Variants in ZNF251 observed in about 807,000 individuals in gnomAD.
ZNF251 encodes zinc finger protein 251.
ZNF251 carries 14 observed loss-of-function variants against 13.5 expected under a neutral mutation model. The ratio of observed to expected loss-of-function variants is 1.04; its 90% CI spans 0.69 to 1.63. ZNF251 has a LOEUF of 1.63. ZNF251 is among the 40% of genes most tolerant of loss of function. ZNF251 has a pLI of 0.00. For synonymous variants in ZNF251, 287 were observed against 295.2 expected (o/e 0.97, Z 0.28); for missense variants, 764 against 834.9 (o/e 0.92, Z 1.05).
At chr8:144,744,490 T>C (rs536128167) in intron 4 of ZNF251, among the ~76,000 whole-genome samples, 3 of 152,314 alleles carry the variant, frequency 2.0e-5, no homozygotes, top group South Asian at 4.1e-4. Context: ...ATGAAATGTG[T>C]CCTGCTCACC....
chr8:144,752,135 C>CAAAAAAAAAAAA, intron 4 of ZNF251, among the ~76,000 whole-genome samples: 1 of 86,194 alleles, frequency 1.2e-5, no homozygotes. Context: ...ATAACTAGAC[C>CAAAAAAAAAAAA]AAAAAAAAAA....
intron 4 of ZNF251, among the ~76,000 whole-genome samples, chr8:144,741,180 G>GA (rs1824148339): frequency 6.6e-6 from 1 of 152,170 alleles, no homozygotes. Flanking sequence ...CCCAACCCAG[G>GA]AAAGAACATC....
chr8:144,723,766 C>A (rs951792744), intron 4 of ZNF251, among the ~76,000 whole-genome samples: 1 of 152,180 alleles, frequency 6.6e-6, no homozygotes, highest in Non-Finnish European at 1.5e-5. Context: ...AATAATGATA[C>A]ACCATGTGAC....
At position 144,755,475 on chromosome 8, in the gene ZNF251, G is replaced by A; in HGVS notation, c.-146C>T. 1.6e-6 allele frequency: 2 copies of A among 1,287,452 alleles called. 1 individual carries two copies. The highest frequency in any genetic ancestry group is 2.0e-6 in the Non-Finnish European group (2 of 988,702). The allele number at this position is 1,287,452 out of a possible 1,614,324, so 79.8% of individuals were successfully genotyped here. On this transcript the variant is annotated 5_prime_UTR_variant, in exon 1 of 5. Transcript: ENST00000292562. The stretch of plus-strand genomic sequence containing the variant: ...TGCGCAGTCGCACCGAGCCCGGAAC[G>A]GACCCTCCCACAGAACCGGGTCCAG...
intron 4 of ZNF251, among the ~76,000 whole-genome samples, chr8:144,747,659 T>C (rs1824491791): frequency 5.2e-5 from 1 of 19,346 alleles, no homozygotes; most frequent in African/African-American, 3.1e-4. Context: ...TTGCCCAGGC[T>C]GGAGTGCGAT....
In ZNF251 at chr8:144,729,948, T is replaced by C. The variant is rs143768258; in HGVS notation, c.278-6566A>G. On this transcript the variant is annotated intron_variant, in intron 4 of 4. Transcript: ENST00000292562. The stretch of plus-strand genomic sequence containing the variant: ...TGACTACTCAGATAAAGATGTTCAA[T>C]TGTAACAGTTTCTCAACATTGCAGG... 1.3e-3 allele frequency: 851 copies of C among 639,930 alleles called. 6 individuals carry two copies. The African/African-American group carries it at 0.015, about 11-fold the overall frequency. The allele number at this position is 639,930 out of a possible 1,614,324, so 39.6% of individuals were successfully genotyped here. A position where few individuals can be genotyped will look rare whatever the true frequency, so the allele number is the denominator to read the frequency against.
At chr8:144,745,133 T>C (rs980574286) in intron 4 of ZNF251, among the ~76,000 whole-genome samples, 1 of 150,864 alleles carries the variant, frequency 6.6e-6, no homozygotes, top group African/African-American at 2.4e-5. Context: ...TGGTTTTAAG[T>C]CTGAGCAGAA....
rs1563758169 is a variant in ZNF251 at position 144,731,947 on chromosome 8, C to CTTTTTTTTT, written c.278-8566_278-8565insAAAAAAAAA. Among the ~76,000 whole-genome samples the CTTTTTTTTT allele has an allele frequency of 8.0e-5, 11 of 136,696 alleles. 2 individuals are homozygous for CTTTTTTTTT. Among genetic ancestry groups the CTTTTTTTTT allele is most frequent in the African/African-American group, 3.3e-4 (11 of 32,840 alleles). 89.7% of individuals were successfully genotyped at this position (136,696 alleles called of 152,430 possible). On this transcript the variant is annotated intron_variant, in intron 4 of 4. Coordinates refer to ENST00000292562, the MANE Select transcript of ZNF251 (RefSeq NM_138367.2). ...AATAAAGGACATGTCCTGACAGCTG[C>CTTTTTTTTT]ATTTTTTTTTTTTAAGACAGAGTCT...
At chr8:144,744,239 T>C (rs1425781860) in intron 4 of ZNF251, among the ~76,000 whole-genome samples, 2 of 152,128 alleles carry the variant, frequency 1.3e-5, no homozygotes, top group Non-Finnish European at 2.9e-5. Flanking sequence ...CTCGAACTCC[T>C]GACCTCGGGT....
intron 4 of ZNF251, among the ~76,000 whole-genome samples, chr8:144,745,610 G>T (rs113164047): frequency 0.046 from 7,037 of 152,100 alleles, 306 homozygotes; most frequent in African/African-American, 0.1. Context: ...ACAGTGGCAT[G>T]ATCATAACTT....
At position 144,722,507 on chromosome 8, in the gene ZNF251, C is replaced by T. The variant is rs766153631; in HGVS notation, c.1153G>A (p.Ala385Thr). 3 of 1,613,798 alleles carry T rather than the reference C, an allele frequency of 1.9e-6. No individual in the cohort carries two copies. The East Asian group carries it at 6.7e-5, about 36-fold the overall frequency. The change falls in exon 5 of 5, where the codon GCC becomes ACC. Residue 385 changes from alanine (A) to threonine (T), a missense_variant. Physicochemically the swap from Ala to Thr is moderately conservative, Grantham distance 58. Transcript: ENST00000292562. This position sits in a 1 kb window ranked among gnomAD's most constrained non-coding sequence, Gnocchi z 4.8. ...KPHKCNQCGKAFSQSSSLFLH... is the reference protein window; with the variant it reads ...KPHKCNQCGKTFSQSSSLFLH... ...AAAAGGCTTGAGCTCTGACTGAAGG[C>T]CTTCCCACACTGATTGCATTTATGG...
chr8:144,732,906 A>G (rs1823763497), intron 4 of ZNF251, among the ~76,000 whole-genome samples: 1 of 151,952 alleles, frequency 6.6e-6, no homozygotes, highest in South Asian at 2.1e-4. Flanking sequence ...AGCAGCAGTA[A>G]TAATTTGCTT....
Position 144,721,826 on chromosome 8 carries a change from G to A in ZNF251, c.1834C>T (p.His612Tyr), listed in dbSNP as rs775295488. ...AFSGKSTLIQ[H>Y]QVTHTGQKPC... is the part of the protein sequence containing the mutation. ...TTCTGACCAGTGTGAGTTACCTGATGTTGAATAAGGGTTGACTTTCCACTG... is the reference window on the plus strand; with the variant it reads ...TTCTGACCAGTGTGAGTTACCTGATATTGAATAAGGGTTGACTTTCCACTG... The change falls in exon 5 of 5, where the codon CAT (histidine) becomes TAT (tyrosine). Residue 612 changes from histidine (H) to tyrosine (Y), a missense_variant. Physicochemically the swap from His to Tyr is moderately conservative, Grantham distance 83. Transcript: ENST00000292562. 1 of 1,496,808 alleles carries A rather than the reference G, an allele frequency of 6.7e-7. No individual in the cohort carries two copies. Among genetic ancestry groups the A allele is most frequent in the Non-Finnish European group, 8.9e-7 (1 of 1,123,252 alleles). The allele number at this position is 1,496,808 out of a possible 1,614,324, so 92.7% of individuals were successfully genotyped here. A position where few individuals can be genotyped will look rare whatever the true frequency, so the allele number is the denominator to read the frequency against.
intron 4 of ZNF251, among the ~76,000 whole-genome samples, chr8:144,744,175 C>A (rs754831224): frequency 6.6e-5 from 10 of 152,010 alleles, no homozygotes; most frequent in Non-Finnish European, 1.0e-4. Context: ...ACACACCCAG[C>A]TGGTTTTTGT....
intron 4 of ZNF251, among the ~76,000 whole-genome samples, chr8:144,739,879 A>G (rs1824078250): frequency 6.6e-6 from 1 of 151,222 alleles, no homozygotes; most frequent in Non-Finnish European, 1.5e-5. Context: ...TTGGTGACAG[A>G]GCAAGGCTCT....
chr8:144,755,384 C>T (rs759850783), intron 1 of ZNF251, 21 bp downstream of exon 1: 2 of 1,287,914 alleles, frequency 1.6e-6, no homozygotes, highest in South Asian at 1.2e-5. Context: ...GGCGCTCCTT[C>T]CTGGTCCGAC....
chr8:144,737,338 T>C (rs1045790289), intron 4 of ZNF251, among the ~76,000 whole-genome samples: 2 of 152,126 alleles, frequency 1.3e-5, no homozygotes, highest in Non-Finnish European at 2.9e-5. Flanking sequence ...TCTCAAGTGA[T>C]CTGCCCGCTT....
chr8:144,735,751 C>A (rs1823867611), intron 4 of ZNF251, among the ~76,000 whole-genome samples: 1 of 152,166 alleles, frequency 6.6e-6, no homozygotes, highest in African/African-American at 2.4e-5. Context: ...CCACCTCCTG[C>A]TAAGTGATGG....
intron 4 of ZNF251, among the ~76,000 whole-genome samples, chr8:144,743,431 T>C (rs1433755670): frequency 6.6e-6 from 1 of 152,226 alleles, no homozygotes; most frequent in African/African-American, 2.4e-5. Context: ...TTTACCCGCT[T>C]ATCTACTGAG....
Sources: gnomAD v4.1 joint callset for allele counts (sites outside exome capture counted in the v4.1 genomes callset) on GRCh38, gnomAD v4.1.1 for gene constraint, Gnocchi (gnomAD v3.1) non-coding constraint, MANE v1.5 for transcripts, NCBI Gene and HGNC (gene_info 2026-07-23, HGNC 2026-07-21) for gene names.